The following CACNA2D1 variants were observed in gnomAD, a reference collection of about 807,000 sequenced individuals.
CACNA2D1 encodes the protein calcium voltage-gated channel auxiliary subunit alpha2delta 1, also known as voltage-dependent calcium channel subunit alpha-2/delta-1.
A neutral mutation model predicts 171.5 loss-of-function variants in CACNA2D1; 53 were observed. The observed-to-expected ratio is 0.31, with a 90% confidence interval of 0.25 to 0.39. The LOEUF is 0.39. CACNA2D1 is among the 10% of genes least tolerant of loss of function. CACNA2D1 has a pLI of 1.00. For missense variants in CACNA2D1, 903 were observed against 1,299.8 expected (o/e 0.69, Z 4.69); for synonymous variants, 442 against 443.1 (o/e 1.00, Z 0.03).
At chr7:82,291,449 T>TA (rs1563319554) in intron 3 of CACNA2D1, among the ~76,000 whole-genome samples, 1 of 135,950 alleles carries the variant, frequency 7.4e-6, no homozygotes, top group African/African-American at 2.7e-5. Context: ...TATATTTTTA[T>TA]TATATATATT....
rs765696205 is a variant in CACNA2D1 at position 82,007,744 on chromosome 7, C to G, written c.1375G>C (p.Val459Leu). The G allele has an allele frequency of 8.8e-6, 14 of 1,593,110 alleles. No homozygotes were observed. The African/African-American group carries it at 1.9e-4, about 21-fold the overall frequency. Reference sequence around the variant, plus strand: ...AAGACCGGAAGAGTTCCAGTAATGACAAGTCCCAGTTCCTAAAAATAGATT... The same window carrying G: ...AAGACCGGAAGAGTTCCAGTAATGAGAAGTCCCAGTTCCTAAAAATAGATT... The part of the protein sequence containing the change: ...VYLDALELGL[V>L]ITGTLPVFNI... Residue 459 changes from valine to leucine, a missense_variant, in exon 16 of 39, where the codon GTC becomes CTC. By Grantham distance (32) the Val-to-Leu change is conservative (BLOSUM62 1). Around this residue, in one of 5 missense-constraint regions of CACNA2D1, gnomAD observed 623 missense variants for 925.5 expected, o/e 0.67. Transcript: ENST00000356860.
intron 5 of CACNA2D1, among the ~76,000 whole-genome samples, chr7:82,126,884 CT>C (rs1432814981): frequency 6.6e-6 from 1 of 152,174 alleles, no homozygotes; most frequent in East Asian, 1.9e-4. Flanking sequence ...GCTTTCTTCC[CT>C]GGCAATATTC....
intron 6 of CACNA2D1, among the ~76,000 whole-genome samples, chr7:82,107,989 G>T (rs979157525): frequency 4.6e-5 from 7 of 152,042 alleles, no homozygotes; most frequent in African/African-American, 1.7e-4. Flanking sequence ...CTTATCCAGG[G>T]TCACTCACTG....
chr7:82,067,512 T>C (rs889132221), intron 7 of CACNA2D1, among the ~76,000 whole-genome samples: 1 of 152,186 alleles, frequency 6.6e-6, no homozygotes, highest in African/African-American at 2.4e-5. Flanking sequence ...AACTCTTCCT[T>C]GACTGTGAAA....
rs1454013907 is a variant in CACNA2D1, at chr7:82,386,682, G to A, written c.96-37033C>T. ...CGAGAGGCGGAGGTTGTGGTGAGCC[G>A]AGATTGAGCCATTGCACTCCAGCCT... On this transcript the variant is annotated intron_variant, in intron 1 of 38. Transcript: ENST00000356860. Among the ~76,000 whole-genome samples the A allele has an allele frequency of 2.6e-5, 4 of 151,738 alleles. No homozygotes were observed. The East Asian group carries it at 5.8e-4, about 22-fold the overall frequency.
chr7:82,296,718 A>G (rs1812329011), intron 3 of CACNA2D1, among the ~76,000 whole-genome samples: 1 of 152,022 alleles, frequency 6.6e-6, no homozygotes, highest in Admixed American at 6.6e-5. Context: ...ATTCTTTATG[A>G]TTTCATTTGT....
intron 1 of CACNA2D1, among the ~76,000 whole-genome samples, chr7:82,440,892 T>C (rs1830451752): frequency 6.6e-6 from 1 of 151,804 alleles, no homozygotes; most frequent in African/African-American, 2.4e-5. Context: ...AATTTTATAG[T>C]GTGTGATGGC....
chr7:82,153,347 G>A (rs918135249), intron 4 of CACNA2D1, among the ~76,000 whole-genome samples: 7 of 151,974 alleles, frequency 4.6e-5, no homozygotes, highest in African/African-American at 1.7e-4. Flanking sequence ...AACAAAACAG[G>A]AAACTTGAAA....
At chr7:82,121,403 G>C (rs1789717568) in intron 5 of CACNA2D1, among the ~76,000 whole-genome samples, 1 of 152,140 alleles carries the variant, frequency 6.6e-6, no homozygotes, top group South Asian at 2.1e-4. Context: ...TGAGAATGAA[G>C]ACTCAACAGA....
chr7:82,393,075 AAGGAAGGAAGGC>A (rs1231627753), intron 1 of CACNA2D1, among the ~76,000 whole-genome samples: 12 of 125,998 alleles, frequency 9.5e-5, no homozygotes, highest in African/African-American at 3.1e-4. Context: ...GGAAGGAAGG[AAGGAAGGAAGGC>A]AGGCAGGCAG....
intron 3 of CACNA2D1, among the ~76,000 whole-genome samples, chr7:82,232,445 A>T (rs554424570): frequency 1.4e-4 from 21 of 152,306 alleles, no homozygotes; most frequent in African/African-American, 5.1e-4. Context: ...AAGAGTAAAA[A>T]GCTAAACTTA....
At chr7:82,267,873 T>A (rs1434275265) in intron 3 of CACNA2D1, among the ~76,000 whole-genome samples, 2 of 152,132 alleles carry the variant, frequency 1.3e-5, no homozygotes, top group East Asian at 3.9e-4. Context: ...GGCGGGTGCC[T>A]GTAGTCTCAG....
chr7:81,954,873 A>G (rs1387613932), intron 38 of CACNA2D1, among the ~76,000 whole-genome samples: 1 of 152,130 alleles, frequency 6.6e-6, no homozygotes, highest in African/African-American at 2.4e-5. Context: ...AATAATAGGA[A>G]TAATGCCCCT....
At chr7:82,342,873 G>C (rs1818834704) in intron 2 of CACNA2D1, among the ~76,000 whole-genome samples, 1 of 152,070 alleles carries the variant, frequency 6.6e-6, no homozygotes, top group South Asian at 2.1e-4. Context: ...TCATATAAAA[G>C]GATGGTTTAT....
At chr7:82,367,773 A>G (rs1821909344) in intron 1 of CACNA2D1, among the ~76,000 whole-genome samples, 1 of 152,188 alleles carries the variant, frequency 6.6e-6, no homozygotes. Context: ...TTCTACTGGA[A>G]AAGCATGGAC....
intron 2 of CACNA2D1, among the ~76,000 whole-genome samples, chr7:82,343,586 A>C (rs143144146): frequency 6.6e-6 from 1 of 152,366 alleles, no homozygotes; most frequent in East Asian, 1.9e-4. Flanking sequence ...AAGAATACTT[A>C]GATTCAAAAC....
chr7:82,085,034 A>T, intron 6 of CACNA2D1, 134 bp from the exon 7 acceptor site: 1 of 827,414 alleles, frequency 1.2e-6, no homozygotes, highest in Non-Finnish European at 1.9e-6. Context: ...AGTAGTTATC[A>T]ACAAGTTTTC....
At chr7:82,156,952 T>C (rs977477855) in intron 4 of CACNA2D1, among the ~76,000 whole-genome samples, 1 of 152,136 alleles carries the variant, frequency 6.6e-6, no homozygotes, top group Non-Finnish European at 1.5e-5. Context: ...ATAAAAATAT[T>C]TTGATGAATT....
intron 5 of CACNA2D1, 89 bp from the exon 6 acceptor site, chr7:82,117,262 T>A: frequency 7.9e-7 from 1 of 1,266,050 alleles, no homozygotes; most frequent in South Asian, 1.2e-5. Context: ...AATGCATATT[T>A]TTCAAAAAAT....
Sources: allele counts gnomAD v4.1 joint callset (sites outside exome capture counted in the v4.1 genomes callset), GRCh38; gene constraint gnomAD v4.1.1; regional missense constraint gnomAD v4.1.1; transcripts MANE v1.5; gene names NCBI Gene and HGNC (gene_info 2026-07-23, HGNC 2026-07-21).